The following CDH12 variants were observed in gnomAD, a reference collection of about 807,000 sequenced individuals.
CDH12 encodes cadherin-12.
In CDH12, 41 loss-of-function variants were observed where a neutral mutation model predicts 74.1. That is an observed-to-expected ratio of 0.55 (90% confidence interval 0.43 to 0.72). The LOEUF is 0.72. CDH12 is among the 30% of genes least tolerant of loss of function. The pLI is 0.00. For synonymous variants in CDH12, 399 were observed against 355.0 expected, an observed-to-expected ratio of 1.12 and a Z score of -1.39; for missense variants, 945 against 977.2, an observed-to-expected ratio of 0.97 and a Z score of 0.44.
At chr5:22,125,427 A>G (rs1029571994) in intron 4 of CDH12, among the ~76,000 whole-genome samples, 1 of 152,164 alleles carries the variant, frequency 6.6e-6, no homozygotes, top group African/African-American at 2.4e-5. Flanking sequence ...ATGTCCCTGC[A>G]AAAGACATTA....
chr5:22,078,591 T>G lies in CDH12; in HGVS notation c.86A>C (p.Gln29Pro). ...LLTPLQPQPQ[Q>P]TLATEPRENV... The stretch of plus-strand genomic sequence containing the variant: ...TTCTCTTGGCTCTGTGGCTAAAGTC[T>G]GCTGTGGCTGTGGTTGTAGTGGTGT... Residue 29 changes from glutamine to proline, a missense_variant, in exon 5 of 15, where the codon CAG becomes CCG. This residue lies in a region of CDH12 where 148 missense variants were observed against 162.8 expected (regional missense o/e 0.91). Transcript: ENST00000382254. 1 of 1,613,962 alleles carries G rather than the reference T, an allele frequency of 6.2e-7. No homozygotes were observed. Among genetic ancestry groups the G allele is most frequent in the Admixed American group, 1.7e-5 (1 of 59,986 alleles).
intron 3 of CDH12, among the ~76,000 whole-genome samples, chr5:22,232,492 C>T (rs1041085325): frequency 6.6e-6 from 1 of 151,808 alleles, no homozygotes; most frequent in African/African-American, 2.4e-5. Flanking sequence ...AACACAGAAT[C>T]ATTGCATCTA....
intron 1 of CDH12, among the ~76,000 whole-genome samples, chr5:22,685,067 C>G (rs771303520): frequency 1.3e-4 from 20 of 152,002 alleles, no homozygotes; most frequent in Admixed American, 2.6e-4. Flanking sequence ...GATTTAAAGT[C>G]AAAATTCTTG....
intron 10 of CDH12, among the ~76,000 whole-genome samples, chr5:21,794,500 C>G (rs562154916): frequency 2.5e-3 from 382 of 151,744 alleles, no homozygotes; most frequent in African/African-American, 8.9e-3. Context: ...TTCAGCTACT[C>G]CTGCAGTTTC....
intron 6 of CDH12, among the ~76,000 whole-genome samples, chr5:21,891,156 A>G (rs1230633693): frequency 6.6e-6 from 1 of 152,126 alleles, no homozygotes; most frequent in Non-Finnish European, 1.5e-5. Context: ...TTCTGTATTA[A>G]ACTTTATTTG....
chr5:22,634,034 T>G (rs2126860647), intron 1 of CDH12, among the ~76,000 whole-genome samples: 1 of 152,206 alleles, frequency 6.6e-6, no homozygotes, highest in South Asian at 2.1e-4. Flanking sequence ...TTTACAAGAT[T>G]TGAACAAGAT....
intron 1 of CDH12, among the ~76,000 whole-genome samples, chr5:22,707,080 T>C (rs529367127): frequency 1.3e-5 from 2 of 152,176 alleles, no homozygotes; most frequent in Non-Finnish European, 2.9e-5. Flanking sequence ...TCATTGTGGA[T>C]GCACCATTGT....
At chr5:22,229,405 C>A (rs1752309695) in intron 3 of CDH12, among the ~76,000 whole-genome samples, 3 of 148,070 alleles carry the variant, frequency 2.0e-5, no homozygotes, top group South Asian at 4.3e-4. Context: ...GGATTTGGGG[C>A]CTTGTTACTC....
At chr5:22,156,052 G>T (rs527588272) in intron 4 of CDH12, among the ~76,000 whole-genome samples, 32 of 152,194 alleles carry the variant, frequency 2.1e-4, no homozygotes, top group African/African-American at 7.2e-4. Flanking sequence ...TTGCATCTTT[G>T]CTTACTGATA....
intron 1 of CDH12, among the ~76,000 whole-genome samples, chr5:22,568,967 G>A (rs144338207): frequency 1.4e-3 from 213 of 152,296 alleles, no homozygotes; most frequent in African/African-American, 5.0e-3. Context: ...CTGCTGACAA[G>A]CGATGTGGTT....
At chr5:22,446,313 C>A (rs916311653) in intron 2 of CDH12, among the ~76,000 whole-genome samples, 2 of 152,110 alleles carry the variant, frequency 1.3e-5, no homozygotes, top group Non-Finnish European at 2.9e-5. Flanking sequence ...CAACTTCAAA[C>A]CCTTTCTAAC....
chr5:22,168,711 G>C (rs1031644579), intron 4 of CDH12, among the ~76,000 whole-genome samples: 4 of 151,052 alleles, frequency 2.6e-5, no homozygotes, highest in African/African-American at 9.7e-5. Context: ...TATTTGTGTT[G>C]AACATGATTC....
chr5:22,514,333 G>A (rs114482908), intron 1 of CDH12, among the ~76,000 whole-genome samples: 4,264 of 152,056 alleles, frequency 0.028, 94 homozygotes, highest in Non-Finnish European at 0.038. Flanking sequence ...TTAAGTGAAT[G>A]GTTGAATATG....
chr5:22,224,543 G>T (rs1752129940), intron 3 of CDH12, among the ~76,000 whole-genome samples: 1 of 152,024 alleles, frequency 6.6e-6, no homozygotes, highest in Admixed American at 6.6e-5. Flanking sequence ...GGCAAAAAAG[G>T]CAGAATTGAG....
chr5:22,180,800 C>T (rs1749604473), intron 4 of CDH12, among the ~76,000 whole-genome samples: 2 of 151,980 alleles, frequency 1.3e-5, no homozygotes, highest in Admixed American at 1.3e-4. Flanking sequence ...CGTGCCCAGC[C>T]AGTTTTTGAA....
chr5:22,724,257 T>C (rs994283049), intron 1 of CDH12, among the ~76,000 whole-genome samples: 1 of 137,600 alleles, frequency 7.3e-6, no homozygotes, highest in African/African-American at 2.5e-5. Flanking sequence ...TTTCAATTGT[T>C]TTTGGGGTAC....
chr5:22,451,051 C>T (rs1745023146), intron 2 of CDH12, among the ~76,000 whole-genome samples: 1 of 151,694 alleles, frequency 6.6e-6, no homozygotes, highest in Non-Finnish European at 1.5e-5. Context: ...AAGTAACTAC[C>T]TAGTGATTCT....
In CDH12 at chr5:22,186,115, C is replaced by A. The variant is rs534801075; in HGVS notation, c.-187+26383G>T. 5.3e-5 allele frequency among the ~76,000 whole-genome samples: 8 copies of A among 152,286 alleles called. No individual in the cohort carries two copies. The East Asian group carries it at 1.5e-3, about 29-fold the overall frequency. On this transcript the variant is annotated intron_variant, in intron 4 of 14. Coordinates refer to ENST00000382254, the MANE Select transcript of CDH12 (RefSeq NM_004061.5). ...AGTAAGATCTCTCTGCAGTTAAGTGCCTGACATTATTAAGAATCTTAATTT... is the reference window on the plus strand; with the variant it reads ...AGTAAGATCTCTCTGCAGTTAAGTGACTGACATTATTAAGAATCTTAATTT...
intron 1 of CDH12, among the ~76,000 whole-genome samples, chr5:22,738,288 G>C (rs899989835): frequency 4.6e-5 from 7 of 152,088 alleles, no homozygotes; most frequent in African/African-American, 1.7e-4. Flanking sequence ...ACTAATATTT[G>C]CTTTGCTCTA....
Sources: gnomAD v4.1 joint callset for allele counts (sites outside exome capture counted in the v4.1 genomes callset) on GRCh38, gnomAD v4.1.1 for gene constraint, gnomAD v4.1.1 regional missense constraint, MANE v1.5 for transcripts, NCBI Gene and HGNC (gene_info 2026-07-23, HGNC 2026-07-21) for gene names.